ARHGAP10: variants seen among roughly 807,000 people sequenced by gnomAD.
ARHGAP10 encodes rho GTPase-activating protein 10.
A neutral mutation model predicts 108.6 loss-of-function variants in ARHGAP10; 87 were observed. The ratio of observed to expected loss-of-function variants is 0.80; its 90% CI spans 0.67 to 0.96. The LOEUF is 0.96. Among genes scored for constraint, ARHGAP10 ranks in the 40% least tolerant of loss-of-function variants. The probability of loss-of-function intolerance (pLI) is 0.00; values close to 1 mark genes in which losing one functional copy is unlikely to be tolerated. For missense variants in ARHGAP10, 939 were observed against 954.5 expected (o/e 0.98, Z 0.21); for synonymous variants, 347 against 341.1 (o/e 1.02, Z -0.19).
intron 17 of ARHGAP10, among the ~76,000 whole-genome samples, chr4:147,966,171 G>T (rs1739194633): frequency 6.6e-6 from 1 of 152,218 alleles, no homozygotes; most frequent in South Asian, 2.1e-4. Flanking sequence ...TCTGGGGAAA[G>T]AGTGAGTTTT....
At chr4:148,009,338 G>A (rs868352331) in intron 18 of ARHGAP10, among the ~76,000 whole-genome samples, 3 of 152,078 alleles carry the variant, frequency 2.0e-5, no homozygotes, top group Non-Finnish European at 4.4e-5. Flanking sequence ...CACCATGTTG[G>A]CCAGTCTGGT....
chr4:147,870,000 G>T (rs6535567), intron 7 of ARHGAP10, among the ~76,000 whole-genome samples: 103,284 of 134,370 alleles, frequency 0.77, 38,343 homozygotes, highest in East Asian at 0.84. Flanking sequence ...GTCCCAGTTT[G>T]TGTGTGTGTG....
chr4:147,873,722 A>ACACT (rs775092505), intron 7 of ARHGAP10, among the ~76,000 whole-genome samples: 1 of 144,340 alleles, frequency 6.9e-6, no homozygotes, highest in African/African-American at 2.6e-5. Context: ...ACACACACAC[A>ACACT]CTCTTGGCCT....
chr4:147,958,299 C>A (rs1237901407), intron 16 of ARHGAP10, among the ~76,000 whole-genome samples: 1 of 152,200 alleles, frequency 6.6e-6, no homozygotes, highest in Non-Finnish European at 1.5e-5. Context: ...CAACTAAAGG[C>A]TGAATGCCTG....
intron 9 of ARHGAP10, 120 bp downstream of exon 9, chr4:147,879,458 T>A: frequency 1.2e-6 from 1 of 846,824 alleles, no homozygotes; most frequent in Non-Finnish European, 1.7e-6. Context: ...AAATTGTTAG[T>A]ATTAAAATCT....
At chr4:147,813,944 A>ACTC in intron 1 of ARHGAP10, among the ~76,000 whole-genome samples, 1 of 152,324 alleles carries the variant, frequency 6.6e-6, no homozygotes, top group Non-Finnish European at 1.5e-5. Flanking sequence ...ACTTTTTAGT[A>ACTC]CTATCTTCAA....
At chr4:148,000,093 A>G (rs762636774) in intron 18 of ARHGAP10, among the ~76,000 whole-genome samples, 1 of 151,652 alleles carries the variant, frequency 6.6e-6, no homozygotes, top group African/African-American at 2.4e-5. Context: ...ACCCCATGAC[A>G]GGCCCCAGTG....
intron 14 of ARHGAP10, among the ~76,000 whole-genome samples, chr4:147,940,766 A>G (rs1240512640): frequency 6.6e-6 from 1 of 152,272 alleles, no homozygotes; most frequent in Non-Finnish European, 1.5e-5. Context: ...TTTAGGAAGC[A>G]TGAGCCAAGT....
intron 18 of ARHGAP10, among the ~76,000 whole-genome samples, chr4:148,017,326 C>A (rs1029755230): frequency 8.6e-5 from 13 of 151,806 alleles, no homozygotes; most frequent in Non-Finnish European, 1.6e-4. Flanking sequence ...TAGAAGATTC[C>A]AAAATAAAAT....
Position 147,732,331 on chromosome 4 carries a change from C to T in ARHGAP10, c.30C>T (p.Asp10=), listed in dbSNP as rs1194913356. The part of the protein sequence containing the change: MGLQPLEFS[D]CYLDSPWFRE... The stretch of plus-strand genomic sequence containing the variant: ...GGCTGCAGCCCCTGGAGTTCAGCGA[C>T]TGCTACCTCGACAGCCCGTGGTTCC... Residue 10 remains aspartate, a synonymous_variant, in exon 1 of 23, where the codon GAC becomes GAT. Transcript: ENST00000336498. The T allele has an allele frequency of 6.2e-7, 1 of 1,612,998 alleles. No individual in the cohort carries two copies. The highest frequency in any genetic ancestry group is 1.3e-5 in the African/African-American group (1 of 74,804).
At chr4:147,967,352 AAG>A (rs1283080749) in intron 18 of ARHGAP10, among the ~76,000 whole-genome samples, 6 of 152,318 alleles carry the variant, frequency 3.9e-5, no homozygotes, top group Admixed American at 2.0e-4. Flanking sequence ...CTGCCTTGCA[AAG>A]AGTCTTTCTG....
intron 3 of ARHGAP10, among the ~76,000 whole-genome samples, chr4:147,842,713 G>A (rs1198739535): frequency 6.6e-6 from 1 of 152,086 alleles, no homozygotes; most frequent in Non-Finnish European, 1.5e-5. Context: ...TTACCCAGGG[G>A]GCCTTCCTCC....
intron 16 of ARHGAP10, among the ~76,000 whole-genome samples, chr4:147,962,843 A>T (rs372669343): frequency 1.7e-4 from 26 of 152,140 alleles, no homozygotes; most frequent in East Asian, 1.4e-3. Flanking sequence ...TTGTATTTTT[A>T]GTAGAGATGG....
chr4:147,828,474 A>G (rs1295196436), intron 3 of ARHGAP10, among the ~76,000 whole-genome samples: 1 of 152,210 alleles, frequency 6.6e-6, no homozygotes, highest in Non-Finnish European at 1.5e-5. Context: ...ACTGTGCCAC[A>G]TGCTATAAAG....
chr4:147,921,682 A>G (rs1737238081), intron 13 of ARHGAP10, among the ~76,000 whole-genome samples: 1 of 152,148 alleles, frequency 6.6e-6, no homozygotes, highest in African/African-American at 2.4e-5. Flanking sequence ...TTACAATTTC[A>G]AATGTGTTTT....
At chr4:148,036,672 A>G (rs1728391486) in intron 19 of ARHGAP10, among the ~76,000 whole-genome samples, 2 of 152,344 alleles carry the variant, frequency 1.3e-5, no homozygotes, top group African/African-American at 4.8e-5. Flanking sequence ...ACCCAGTCTC[A>G]GGTATGTCTT....
chr4:148,061,098 T>G lies in ARHGAP10; in HGVS notation c.2028-2050T>G, dbSNP rs565810280. ...GCGGGTGTTTTCATGGAGGTTTCCT[T>G]TTTTTTTTTTAAAGAAAGATGTGAG... is the stretch of plus-strand genomic sequence containing the variant. On this transcript the variant is annotated intron_variant, in intron 20 of 22. Coordinates refer to ENST00000336498, the MANE Select transcript of ARHGAP10 (RefSeq NM_024605.4). 5.1e-3 allele frequency among the ~76,000 whole-genome samples: 561 copies of G among 109,716 alleles called. 4 individuals are homozygous for G. Among genetic ancestry groups the G allele is most frequent in the African/African-American group, 0.019 (538 of 28,912 alleles). The allele number at this position is 109,716 out of a possible 152,430, so 72.0% of individuals were successfully genotyped here. A position where few individuals can be genotyped will look rare whatever the true frequency, so the allele number is the denominator to read the frequency against.
intron 19 of ARHGAP10, among the ~76,000 whole-genome samples, chr4:148,030,498 G>A (rs1728098379): frequency 6.6e-6 from 1 of 152,210 alleles, no homozygotes; most frequent in Non-Finnish European, 1.5e-5. Context: ...AATCTTGAGG[G>A]AGAAGGTATT....
intron 14 of ARHGAP10, among the ~76,000 whole-genome samples, chr4:147,941,515 G>A (rs1391948284): frequency 6.6e-6 from 1 of 152,140 alleles, no homozygotes; most frequent in Non-Finnish European, 1.5e-5. Flanking sequence ...GAGTAGAGAA[G>A]CCCAGGACAT....
Sources: allele counts gnomAD v4.1 joint callset (sites outside exome capture counted in the v4.1 genomes callset), GRCh38; gene constraint gnomAD v4.1.1; transcripts MANE v1.5; gene names NCBI Gene and HGNC (gene_info 2026-07-23, HGNC 2026-07-21).